HDLBP: variants seen among roughly 807,000 people sequenced by gnomAD.
HDLBP encodes the protein vigilin.
In HDLBP, 30 loss-of-function variants were observed where a neutral mutation model predicts 137.3. The observed-to-expected ratio is 0.22, with a 90% CI of 0.16 to 0.30. HDLBP has a LOEUF of 0.30. Ranked by LOEUF, HDLBP falls within the 10% of genes least tolerant of loss-of-function variation. HDLBP has a pLI of 1.00. For synonymous variants in HDLBP, 606 were observed against 596.0 expected (o/e 1.02, Z -0.24); for missense variants, 1,119 against 1,667.3 (o/e 0.67, Z 5.73).
chr2:241,258,204 T>C (rs374600522), intron 5 of HDLBP, among the ~76,000 whole-genome samples: 1 of 151,472 alleles, frequency 6.6e-6, no homozygotes, highest in African/African-American at 2.4e-5. Context: ...ATACAAAAAT[T>C]AGCATGGTGG....
rs2074096216 is a variant in HDLBP at position 241,272,133 on chromosome 2, CAAG to C, written c.-102-3595_-102-3593del. 1 of 976,350 alleles carries C rather than the reference CAAG, an allele frequency of 1.0e-6. No individual in the cohort carries two copies. The highest frequency in any genetic ancestry group is 1.2e-6 in the Non-Finnish European group (1 of 821,716). The allele number at this position is 976,350 out of a possible 1,614,324, so 60.5% of individuals were successfully genotyped here. ...GCACGTCCAAGTTGCACTCCAGGCC[CAAG>C]AAGAGCAGCTTTCCCCACCCCCGAA... On this transcript the variant is annotated intron_variant, in intron 1 of 27. Transcript: ENST00000310931. This position sits in a 1 kb window ranked among gnomAD's most constrained non-coding sequence, Gnocchi z 5.6.
In HDLBP at chr2:241,230,846, A is replaced by C. The variant is rs1254062708; in HGVS notation, c.3387T>G (p.Ser1129=). 1 of 1,614,250 alleles carries C rather than the reference A, an allele frequency of 6.2e-7. No individual in the cohort carries two copies. Residue 1129 remains serine (S), a synonymous_variant, in exon 25 of 28, where the codon TCT becomes TCG. Transcript: ENST00000310931. This position sits in a 1 kb window ranked among gnomAD's most constrained non-coding sequence, Gnocchi z 5.0. ...CGCGGTGGTCCAGCGGGACGTCCTC[A>C]GAAACCATCTGCTCAAGTTCACCCA... ...RIVGELEQMV[S]EDVPLDHRVH... is the part of the protein sequence containing the mutation.
At chr2:241,243,132 C>T (rs2071404302) in intron 16 of HDLBP, among the ~76,000 whole-genome samples, 1 of 152,160 alleles carries the variant, frequency 6.6e-6, no homozygotes, top group African/African-American at 2.4e-5. Flanking sequence ...ACTGAACTTA[C>T]CGCCTAATGG....
chr2:241,273,219 C>T (rs2074246080), intron 1 of HDLBP: 1 of 985,414 alleles, frequency 1.0e-6, no homozygotes, highest in Non-Finnish European at 1.2e-6. Flanking sequence ...CACACTGGCA[C>T]GAGGTCCTAC....
At chr2:241,315,106 G>C (rs1409058936) in intron 1 of HDLBP, 1 of 151,970 alleles carries the variant, frequency 6.6e-6, no homozygotes, top group African/African-American at 2.4e-5. Context: ...TCTCACCTCG[G>C]GCCCCACACC....
Position 241,239,589 on chromosome 2 carries a change from C to T in HDLBP, c.2610+13G>A, listed in dbSNP as rs377308812. ...GGGGGTGAGAACCCCTCCCCGAGCA[C>T]CCAAGTGCCTACCAGGTCCTCAATG... On this transcript the variant is annotated intron_variant, in intron 19 of 27. Transcript: ENST00000310931. This position sits in a 1 kb window ranked among gnomAD's most constrained non-coding sequence, Gnocchi z 4.6. The T allele has an allele frequency of 9.3e-6, 15 of 1,611,906 alleles. No individual in the cohort carries two copies. The African/African-American group carries it at 1.7e-4, about 19-fold the overall frequency.
chr2:241,244,085 C>T (rs2071489174), intron 16 of HDLBP, among the ~76,000 whole-genome samples: 2 of 152,040 alleles, frequency 1.3e-5, no homozygotes, highest in Non-Finnish European at 2.9e-5. Context: ...GGGAAGAAAA[C>T]AACATCTAAA....
chr2:241,249,852 C>G lies in HDLBP; in HGVS notation c.1501G>C (p.Ala501Pro). ...GCCATGGCACTTACCATGCGAGATG[C>G]AAGCTCCAGCAGCTCTCGCTTGGCC... Reference protein sequence around the residue: ...QQAKRELLELASRMENERTKD... With the variant: ...QQAKRELLELPSRMENERTKD... Residue 501 changes from alanine (A) to proline (P), a missense_variant, in exon 12 of 28, where the codon GCA becomes CCA. Physicochemically the swap from Ala to Pro is conservative, Grantham distance 27. Coordinates refer to ENST00000310931, the MANE Select transcript of HDLBP (RefSeq NM_005336.6). 1 of 1,604,524 alleles carries G rather than the reference C, an allele frequency of 6.2e-7. No homozygotes were observed. Among genetic ancestry groups the G allele is most frequent in the Non-Finnish European group, 8.5e-7 (1 of 1,176,508 alleles).
rs894957160 is a variant in HDLBP at position 241,238,581 on chromosome 2, G to C, written c.2749+68C>G. The stretch of plus-strand genomic sequence containing the variant: ...AGGAAAGAGCCTCACCAGTATGTGC[G>C]ACAGCCCCGCCTCTCACATGGGAGG... On this transcript the variant is annotated intron_variant, in intron 20 of 27. Transcript: ENST00000310931. This position sits in a 1 kb window ranked among gnomAD's most constrained non-coding sequence, Gnocchi z 4.9. 2 of 1,274,912 alleles carry C rather than the reference G, an allele frequency of 1.6e-6. No individual in the cohort carries two copies. Among genetic ancestry groups the C allele is most frequent in the Non-Finnish European group, 2.1e-6 (2 of 948,866 alleles). The allele number at this position is 1,274,912 out of a possible 1,614,324, so 79.0% of individuals were successfully genotyped here.
intron 1 of HDLBP, among the ~76,000 whole-genome samples, chr2:241,304,700 T>C (rs1157886347): frequency 2.4e-4 from 37 of 152,226 alleles, no homozygotes; most frequent in Admixed American, 2.4e-3. Context: ...CAGCACCGAA[T>C]ACCTATCTTG....
intron 1 of HDLBP, chr2:241,273,780 A>C: frequency 3.7e-5 from 17 of 461,520 alleles, no homozygotes; most frequent in Non-Finnish European, 4.8e-5. Context: ...GCCTGCAGCC[A>C]GGCCACGGGT....
In HDLBP at chr2:241,230,081, A is replaced by G; in HGVS notation, c.3591+72T>C. The G allele has an allele frequency of 6.3e-7, 1 of 1,587,470 alleles. No individual in the cohort carries two copies. The highest frequency in any genetic ancestry group is 8.6e-7 in the Non-Finnish European group (1 of 1,158,990). ...ACACAAGTGCCACCTTGTCCCCTGA[A>G]GCTCCTGGCTGGGCCTCAGGCCGGT... On this transcript the variant is annotated intron_variant, in intron 26 of 27. Coordinates refer to ENST00000310931, the MANE Select transcript of HDLBP (RefSeq NM_005336.6). This position sits in a 1 kb window ranked among gnomAD's most constrained non-coding sequence, Gnocchi z 5.0.
chr2:241,230,828 G>A lies in HDLBP; in HGVS notation c.3405C>T (p.Asp1135=), dbSNP rs754576111. The part of the protein sequence containing the change: ...EQMVSEDVPL[D]HRVHARIIGA... ...CAATGATGCGGGCGTGAACGCGGTG[G>A]TCCAGCGGGACGTCCTCAGAAACCA... The change falls in exon 25 of 28, where the codon GAC becomes GAT. Residue 1135 remains aspartate, a synonymous_variant. Transcript: ENST00000310931. The surrounding 1 kb of genome is among the most constrained non-coding windows in gnomAD (Gnocchi z 5.0). The A allele has an allele frequency of 3.1e-5, 50 of 1,614,132 alleles. No individual in the cohort carries two copies. Among genetic ancestry groups the A allele is most frequent in the Non-Finnish European group, 4.2e-5 (50 of 1,180,042 alleles).
intron 5 of HDLBP, among the ~76,000 whole-genome samples, chr2:241,261,091 G>T (rs574748921): frequency 2.6e-4 from 39 of 151,518 alleles, no homozygotes; most frequent in Non-Finnish European, 4.7e-4. Context: ...ACTACTTGAA[G>T]GGCTGAGTCA....
intron 21 of HDLBP, 85 bp from the exon 22 acceptor site, chr2:241,235,679 C>A: frequency 1.1e-6 from 1 of 869,732 alleles, no homozygotes; most frequent in Non-Finnish European, 1.9e-6. Flanking sequence ...CCACGAAACA[C>A]AAGGCAAACA....
Position 241,229,491 on chromosome 2 carries a change from A to C in HDLBP, c.*110T>G. The C allele has an allele frequency of 9.1e-6, 7 of 769,388 alleles. No individual in the cohort carries two copies. Among genetic ancestry groups the C allele is most frequent in the Admixed American group, 4.9e-5 (2 of 40,980 alleles). 47.7% of individuals were successfully genotyped at this position (769,388 alleles called of 1,614,324 possible). A position where few individuals can be genotyped will look rare whatever the true frequency, so the allele number is the denominator to read the frequency against. On this transcript the variant is annotated 3_prime_UTR_variant, in exon 28 of 28. Transcript: ENST00000310931. ...CCCTGCGGGACCTCGGGAAGGGGGA[A>C]GAGCGTCAACAATTTACGGAGGGTC... is the stretch of plus-strand genomic sequence containing the variant.
chr2:241,295,887 T>A (rs1289195196), intron 1 of HDLBP, among the ~76,000 whole-genome samples: 9 of 151,932 alleles, frequency 5.9e-5, no homozygotes, highest in Admixed American at 5.2e-4. Flanking sequence ...CTCTCTCCTA[T>A]CCCCCAGAGG....
intron 16 of HDLBP, 75 bp downstream of exon 16, chr2:241,246,677 T>A: frequency 4.8e-6 from 7 of 1,467,408 alleles, no homozygotes; most frequent in Non-Finnish European, 6.6e-6. Context: ...CCTGCGTGAC[T>A]CAACCCCAGG....
At chr2:241,306,548 T>C (rs1251155257) in intron 1 of HDLBP, among the ~76,000 whole-genome samples, 1 of 151,664 alleles carries the variant, frequency 6.6e-6, no homozygotes, top group African/African-American at 2.4e-5. Context: ...CGTGAGCCAC[T>C]GCGCCTGGCC....
Sources: allele counts gnomAD v4.1 joint callset (sites outside exome capture counted in the v4.1 genomes callset), GRCh38; gene constraint gnomAD v4.1.1; non-coding constraint Gnocchi (gnomAD v3.1); transcripts MANE v1.5; gene names NCBI Gene and HGNC (gene_info 2026-07-23, HGNC 2026-07-21).